Variants in SLC37A2 observed in about 807,000 individuals in gnomAD.
SLC37A2 encodes the protein solute carrier family 37 member 2.
A neutral mutation model predicts 70.7 loss-of-function variants in SLC37A2; 59 were observed. The ratio of observed to expected loss-of-function variants is 0.83; its 90% CI spans 0.68 to 1.04. The LOEUF (loss-of-function observed/expected upper bound fraction) is 1.04. Among genes scored for constraint, SLC37A2 ranks in the 50% least tolerant of loss-of-function variants. The probability of loss-of-function intolerance (pLI) is 0.00; values close to 1 mark genes in which losing one functional copy is unlikely to be tolerated. For synonymous variants in SLC37A2, 257 were observed against 262.1 expected, an observed-to-expected ratio of 0.98 and a Z score of 0.19; for missense variants, 580 against 658.1, an observed-to-expected ratio of 0.88 and a Z score of 1.30.
In SLC37A2 at chr11:125,084,275, A is replaced by G; in HGVS notation, c.1081A>G (p.Arg361Gly). The G allele has an allele frequency of 1.2e-6, 2 of 1,614,226 alleles. No homozygotes were observed. The part of the protein sequence containing the change: ...AGLVSDYTNG[R>G]ATTCCVMLIL... ...GCTCGTCTCTGACTACACCAATGGCAGGGCCACCACTTGCTGTGTCATGCT... is the reference window on the plus strand; with the variant it reads ...GCTCGTCTCTGACTACACCAATGGCGGGGCCACCACTTGCTGTGTCATGCT... The change falls in exon 12 of 18, where the codon AGG becomes GGG. Residue 361 changes from arginine to glycine, a missense_variant. Arg to Gly is a moderately radical substitution (Grantham distance 125, BLOSUM62 -2). Coordinates refer to ENST00000403796, the MANE Select transcript of SLC37A2 (RefSeq NM_001145290.2).
intron 1 of SLC37A2, among the ~76,000 whole-genome samples, chr11:125,071,025 G>T (rs1041647466): frequency 1.3e-5 from 2 of 152,168 alleles, no homozygotes; most frequent in Non-Finnish European, 2.9e-5. Flanking sequence ...CTGGGGTCAG[G>T]GTTGACAGTC....
intron 1 of SLC37A2, among the ~76,000 whole-genome samples, chr11:125,075,485 C>T (rs949847269): frequency 1.4e-4 from 21 of 152,154 alleles, no homozygotes; most frequent in Admixed American, 5.2e-4. Flanking sequence ...GAGGCCGGGG[C>T]GTGGAGCTGC....
intron 4 of SLC37A2, among the ~76,000 whole-genome samples, chr11:125,078,510 G>T (rs909383163): frequency 6.6e-6 from 1 of 152,168 alleles, no homozygotes; most frequent in African/African-American, 2.4e-5. Flanking sequence ...CTAAGAGGTA[G>T]CCCGGTGAGT....
At chr11:125,074,741 C>T (rs1321868289) in intron 1 of SLC37A2, among the ~76,000 whole-genome samples, 3 of 152,308 alleles carry the variant, frequency 2.0e-5, no homozygotes, top group South Asian at 2.1e-4. Flanking sequence ...TCCTAGTCAA[C>T]ACCAGGCTAC....
At chr11:125,067,837 C>T (rs1948996449) in intron 1 of SLC37A2, among the ~76,000 whole-genome samples, 1 of 152,176 alleles carries the variant, frequency 6.6e-6, no homozygotes, top group Admixed American at 6.5e-5. Flanking sequence ...TATTCTGGAA[C>T]AACCAGTCAT....
intron 17 of SLC37A2, chr11:125,086,368 G>A (rs985548242): frequency 3.3e-6 from 3 of 912,712 alleles, no homozygotes; most frequent in Admixed American, 1.7e-5. Context: ...TTCTTCTTGT[G>A]GGCCAGTTGT....
At chr11:125,067,209 C>T (rs977811904) in intron 1 of SLC37A2, among the ~76,000 whole-genome samples, 2 of 152,090 alleles carry the variant, frequency 1.3e-5, no homozygotes, top group Non-Finnish European at 2.9e-5. Context: ...AAACTCCTGG[C>T]CTAAAGCCAT....
In SLC37A2 at chr11:125,089,887, C is replaced by T. The variant is rs553682745; in HGVS notation, c.*1753C>T. 10 of 159,050 alleles carry T rather than the reference C, an allele frequency of 6.3e-5. No individual in the cohort carries two copies. Among genetic ancestry groups the T allele is most frequent in the East Asian group, 3.8e-4 (2 of 5,256 alleles). The allele number at this position is 159,050 out of a possible 1,614,324, so 9.9% of individuals were successfully genotyped here. A position where few individuals can be genotyped will look rare whatever the true frequency, so the allele number is the denominator to read the frequency against. ...CCAAGGGCTGAGGAGTGCGAGCGCA[C>T]GGCGCGGGACTGGCAGGCAGCTCCA... On this transcript the variant is annotated 3_prime_UTR_variant, in exon 18 of 18. Transcript: ENST00000403796.
At chr11:125,072,370 TG>T (rs372929355) in intron 1 of SLC37A2, among the ~76,000 whole-genome samples, 5 of 151,974 alleles carry the variant, frequency 3.3e-5, no homozygotes, top group African/African-American at 9.7e-5. Context: ...CAGTATCCGG[TG>T]GGGGGGAGGT....
intron 14 of SLC37A2, 54 bp from the exon 15 acceptor site, chr11:125,085,341 T>G (rs1490949193): frequency 6.4e-7 from 1 of 1,561,016 alleles, no homozygotes; most frequent in Non-Finnish European, 8.8e-7. Flanking sequence ...CCTGTCCTGG[T>G]TCTGCTCATG....
At chr11:125,073,823 C>T (rs1486813234) in intron 1 of SLC37A2, among the ~76,000 whole-genome samples, 1 of 152,222 alleles carries the variant, frequency 6.6e-6, no homozygotes, top group East Asian at 1.9e-4. Context: ...TGGCCTTGAG[C>T]CTCAGTGAGG....
chr11:125,084,950 G>A lies in SLC37A2; in HGVS notation c.1174+77G>A, dbSNP rs573627531. ...GGGGCCCCATGAGGCTGGCCCACGG[G>A]GGGCACTGACAGGTGGAGGGGCTGG... On this transcript the variant is annotated intron_variant, in intron 13 of 17. Coordinates refer to ENST00000403796, the MANE Select transcript of SLC37A2 (RefSeq NM_001145290.2). 2.3e-4 allele frequency: 363 copies of A among 1,600,278 alleles called. 1 individual carries two copies. Among genetic ancestry groups the A allele is most frequent in the Non-Finnish European group, 3.8e-5 (44 of 1,168,368 alleles).
At position 125,079,138 on chromosome 11, in the gene SLC37A2, T is replaced by A. The variant is rs776995045; in HGVS notation, c.341T>A (p.Leu114His). 1 of 1,614,230 alleles carries A rather than the reference T, an allele frequency of 6.2e-7. No homozygotes were observed. The highest frequency in any genetic ancestry group is 8.5e-7 in the Non-Finnish European group (1 of 1,180,036). ...GGGGTTTTTGGGGAGCGGCTTCCGC[T>A]CCGTTACTACCTCTCAGCTGGAATG... Reference protein sequence around the residue: ...ISGVFGERLPLRYYLSAGMLL... With the variant: ...ISGVFGERLPHRYYLSAGMLL... Residue 114 changes from leucine to histidine, a missense_variant, in exon 5 of 18, where the codon CTC (leucine) becomes CAC (histidine). Coordinates refer to ENST00000403796, the MANE Select transcript of SLC37A2 (RefSeq NM_001145290.2).
rs1015591392 is a variant in SLC37A2 at position 125,063,654 on chromosome 11, G to A, written c.59+228G>A. Among the ~76,000 whole-genome samples the A allele has an allele frequency of 6.6e-6, 1 of 152,202 alleles. No homozygotes were observed. Among genetic ancestry groups the A allele is most frequent in the South Asian group, 2.1e-4 (1 of 4,836 alleles). Reference sequence around the variant, plus strand: ...CCCCCAGACCCCGCGACGCTGGCTCGGTGACACTGGGGAAGAACAGGCTGC... The same window carrying A: ...CCCCCAGACCCCGCGACGCTGGCTCAGTGACACTGGGGAAGAACAGGCTGC... On this transcript the variant is annotated intron_variant, in intron 1 of 17. Coordinates refer to ENST00000403796, the MANE Select transcript of SLC37A2 (RefSeq NM_001145290.2). The surrounding 1 kb of genome is among the most constrained non-coding windows in gnomAD (Gnocchi z 5.4).
intron 4 of SLC37A2, 85 bp from the exon 5 acceptor site, chr11:125,079,027 C>T: frequency 1.3e-6 from 2 of 1,579,334 alleles, no homozygotes; most frequent in Non-Finnish European, 1.7e-6. Context: ...GAGCCACTTC[C>T]TAGCGTGGTG....
chr11:125,081,786 G>A lies in SLC37A2; in HGVS notation c.765G>A (p.Glu255=). ...GEPAENQDNP[E]DPGNSPCSIR... is the part of the protein sequence containing the mutation. ...CAGCTGAGAACCAGGACAACCCTGA[G>A]GACCCTGGGAACAGTCCCTGCTCTA... is the stretch of plus-strand genomic sequence containing the variant. The change falls in exon 9 of 18, where the codon GAG becomes GAA. Residue 255 remains glutamate (E), a synonymous_variant. Transcript: ENST00000403796. 1 of 1,611,786 alleles carries A rather than the reference G, an allele frequency of 6.2e-7. No homozygotes were observed. The highest frequency in any genetic ancestry group is 8.5e-7 in the Non-Finnish European group (1 of 1,178,742).
At chr11:125,084,107 G>T in intron 11 of SLC37A2, 127 bp from the exon 12 acceptor site, 1 of 1,077,946 alleles carries the variant, frequency 9.3e-7, no homozygotes, top group South Asian at 1.4e-5. Flanking sequence ...GGAGGGCTGT[G>T]GAAAAAGCAG....
intron 2 of SLC37A2, 149 bp downstream of exon 2, chr11:125,076,987 C>T: frequency 1.2e-6 from 1 of 815,218 alleles, no homozygotes; most frequent in Non-Finnish European, 2.0e-6. Flanking sequence ...TGAGTTTATT[C>T]CCCAAGACAG....
intron 1 of SLC37A2, among the ~76,000 whole-genome samples, chr11:125,072,933 A>G (rs1949044584): frequency 6.6e-6 from 1 of 152,174 alleles, no homozygotes; most frequent in African/African-American, 2.4e-5. Context: ...GAAGTCCCAG[A>G]AAAGGCCAGT....
Sources: gnomAD v4.1 joint callset for allele counts (sites outside exome capture counted in the v4.1 genomes callset) on GRCh38, gnomAD v4.1.1 for gene constraint, Gnocchi (gnomAD v3.1) non-coding constraint, MANE v1.5 for transcripts, NCBI Gene and HGNC (gene_info 2026-07-23, HGNC 2026-07-21) for gene names.